PTPRF: variants seen among roughly 807,000 people sequenced by gnomAD.
PTPRF encodes the protein receptor-type tyrosine-protein phosphatase F.
Under a neutral mutation model 201.8 loss-of-function variants are expected in PTPRF, and 59 were observed. The observed-to-expected ratio is 0.29, with a 90% CI of 0.24 to 0.36. PTPRF has a LOEUF of 0.36. Among genes scored for constraint, PTPRF ranks in the 10% least tolerant of loss-of-function variants. PTPRF has a pLI of 1.00. For missense variants in PTPRF, 2,132 were observed against 2,690.5 expected (o/e 0.79, Z 4.59); for synonymous variants, 1,088 against 1,089.7 (o/e 1.00, Z 0.03).
chr1:43,558,527 G>T (rs1325710881), intron 5 of PTPRF, among the ~76,000 whole-genome samples: 1 of 152,220 alleles, frequency 6.6e-6, no homozygotes, highest in Non-Finnish European at 1.5e-5. Flanking sequence ...GCTGGCCGGG[G>T]TGAGCCTGTC....
Position 43,559,712 on chromosome 1 carries a change from C to T in PTPRF, c.379+5771C>T, listed in dbSNP as rs184896034. 7.0e-3 allele frequency among the ~76,000 whole-genome samples: 979 copies of T among 140,220 alleles called. 6 individuals are homozygous for T. The highest frequency in any genetic ancestry group is 7.8e-3 in the Non-Finnish European group (507 of 65,306). 92.0% of individuals were successfully genotyped at this position (140,220 alleles called of 152,430 possible). Reference sequence around the variant, plus strand: ...TGTGTGGTGTACAGCAGGTGGTGTGCGGCAGGCTGTGTGTATGTATCAGGC... The same window carrying T: ...TGTGTGGTGTACAGCAGGTGGTGTGTGGCAGGCTGTGTGTATGTATCAGGC... On this transcript the variant is annotated intron_variant, in intron 5 of 33. Transcript: ENST00000359947.
chr1:43,547,808 T>A (rs1376722318), intron 3 of PTPRF, among the ~76,000 whole-genome samples: 1 of 152,204 alleles, frequency 6.6e-6, no homozygotes, highest in Non-Finnish European at 1.5e-5. Flanking sequence ...AGTGGAGATT[T>A]GGGCACACAT....
chr1:43,604,011 G>A lies in PTPRF; in HGVS notation c.2859G>A (p.Val953=), dbSNP rs374919033. Residue 953 remains valine (V), a synonymous_variant, in exon 16 of 34, where the codon GTG becomes GTA. Transcript: ENST00000359947. ...ACGGGCGCATCATCAGCTACACCGTGGTGTTCCGAGACATCAACAGCCAAC... is the reference window on the plus strand; with the variant it reads ...ACGGGCGCATCATCAGCTACACCGTAGTGTTCCGAGACATCAACAGCCAAC... ...ERNGRIISYT[V]VFRDINSQQE... is the part of the protein sequence containing the mutation. The A allele has an allele frequency of 1.2e-6, 2 of 1,614,082 alleles. No homozygotes were observed. The highest frequency in any genetic ancestry group is 1.3e-5 in the African/African-American group (1 of 74,938).
At chr1:43,524,365 G>C (rs2153942353), upstream of PTPRF, among the ~76,000 whole-genome samples, 1 of 152,110 alleles carries the variant, frequency 6.6e-6, no homozygotes, top group East Asian at 1.9e-4. Flanking sequence ...TTTTAAATGT[G>C]AAAGAAAGAA....
chr1:43,607,007 C>T (rs753046270), intron 21 of PTPRF, 39 bp downstream of exon 21: 11 of 1,605,338 alleles, frequency 6.9e-6, no homozygotes, highest in Non-Finnish European at 9.4e-6. Flanking sequence ...CGGCCACCTG[C>T]CCCTCGCCTT....
chr1:43,597,660 G>T, intron 11 of PTPRF, 88 bp from the exon 12 acceptor site: 8 of 994,198 alleles, frequency 8.0e-6, no homozygotes, highest in Non-Finnish European at 1.1e-5. Flanking sequence ...GCCTGCCCGG[G>T]TGAGTCTCCA....
chr1:43,598,946 TGAGCACAGACCA>T (rs765018680), intron 13 of PTPRF, 33 bp downstream of exon 13: 133 of 1,601,566 alleles, frequency 8.3e-5, no homozygotes, highest in Admixed American at 1.3e-4. Flanking sequence ...GGTGGCAGGG[TGAGCACAGACCA>T]GCATGCACAA....
At chr1:43,608,069 A>G (rs1357844932) in intron 21 of PTPRF, among the ~76,000 whole-genome samples, 2 of 152,146 alleles carry the variant, frequency 1.3e-5, no homozygotes, top group African/African-American at 2.4e-5. Context: ...GTTCCTTCCT[A>G]AAGAGTCCAC....
chr1:43,612,323 A>T (rs1656642379), intron 22 of PTPRF, among the ~76,000 whole-genome samples: 1 of 152,118 alleles, frequency 6.6e-6, no homozygotes, highest in South Asian at 2.1e-4. Context: ...AGATCCTGGG[A>T]AGATACCTGG....
At chr1:43,590,799 A>T (rs553814977) in intron 8 of PTPRF, among the ~76,000 whole-genome samples, 173 bp from the exon 9 acceptor site, 2 of 152,308 alleles carry the variant, frequency 1.3e-5, no homozygotes, top group East Asian at 1.9e-4. Flanking sequence ...ACTGTCCCTC[A>T]CTTGTGCCTT....
chr1:43,555,831 T>C (rs528395026), intron 5 of PTPRF, among the ~76,000 whole-genome samples: 1 of 152,330 alleles, frequency 6.6e-6, no homozygotes, highest in East Asian at 1.9e-4. Context: ...TGGACACATA[T>C]GTTCTCAGTT....
rs1047800128 is a variant in PTPRF, at chr1:43,576,059, A to G, written c.569-2751A>G. 1.7e-5 allele frequency: 13 copies of G among 752,790 alleles called. No homozygotes were observed. In the Admixed American group the frequency reaches 3.0e-4, roughly 18 times the overall value. The allele number at this position is 752,790 out of a possible 1,614,324, so 46.6% of individuals were successfully genotyped here. ...CAGCCTCCTCATCTCCAGCTCCAGC[A>G]CCCCCAACACCACCGGCCACCACAC... On this transcript the variant is annotated intron_variant, in intron 6 of 33. Transcript: ENST00000359947.
rs568722457 is a variant in PTPRF, at chr1:43,605,561, G to A, written c.3422G>A (p.Arg1141His). 76 of 1,614,136 alleles carry A rather than the reference G, an allele frequency of 4.7e-5. 1 individual carries two copies. Among genetic ancestry groups the A allele is most frequent in the South Asian group, 1.9e-4 (17 of 91,082 alleles). The change falls in exon 19 of 34, where the codon CGT becomes CAT. Residue 1141 changes from arginine to histidine, a missense_variant. Physicochemically the swap from Arg to His is conservative, Grantham distance 29. Around this residue, in one of 6 missense-constraint regions of PTPRF, gnomAD observed 818 missense variants for 915.3 expected, o/e 0.89. Coordinates refer to ENST00000359947, the MANE Select transcript of PTPRF (RefSeq NM_002840.5). ...WFYIVVVPID[R>H]VGGSMLTPRW... ...TACATTGTTGTGGTGCCCATTGACC[G>A]TGTGGGCGGGAGCATGCTGACGCCA...
Position 43,603,775 on chromosome 1 carries a change from C to A in PTPRF, c.2623C>A (p.Gln875Lys). The A allele has an allele frequency of 6.2e-7, 1 of 1,614,094 alleles. No individual in the cohort carries two copies. Among genetic ancestry groups the A allele is most frequent in the Non-Finnish European group, 8.5e-7 (1 of 1,180,044 alleles). ...PNTIDFGKDD[Q>K]HFTVTGLHKG... The stretch of plus-strand genomic sequence containing the variant: ...CACCATAGATTTCGGCAAGGATGAC[C>A]AGCACTTCACAGTCACCGGCCTGCA... The change falls in exon 16 of 34, where the codon CAG becomes AAG. Residue 875 changes from glutamine (Q) to lysine (K), a missense_variant. Around this residue, in one of 6 missense-constraint regions of PTPRF, gnomAD observed 818 missense variants for 915.3 expected, o/e 0.89. Transcript: ENST00000359947. This position sits in a 1 kb window ranked among gnomAD's most constrained non-coding sequence, Gnocchi z 5.8.
At chr1:43,573,977 C>CTTTTTTTTTTTTTT (rs77543816) in intron 6 of PTPRF, among the ~76,000 whole-genome samples, 6 of 63,918 alleles carry the variant, frequency 9.4e-5, no homozygotes, top group Non-Finnish European at 8.0e-5. Flanking sequence ...TGTGTGGGTT[C>CTTTTTTTTTTTTTT]TTTTTTTTTT....
At position 43,591,344 on chromosome 1, in the gene PTPRF, A is replaced by G. The variant is rs1362908192; in HGVS notation, c.1322A>G (p.Asn441Ser). 1.9e-6 allele frequency: 3 copies of G among 1,552,446 alleles called. No individual in the cohort carries two copies. Among genetic ancestry groups the G allele is most frequent in the Non-Finnish European group, 2.6e-6 (3 of 1,149,288 alleles). ...LVQWEPPEEP[N>S]GLVRGYRVYY... is the part of the protein sequence containing the mutation. ...CAGTGGGAGCCTCCCGAGGAGCCCA[A>G]CGGCCTGGTGCGGGGATACCGCGTC... The change falls in exon 9 of 34, where the codon AAC (asparagine) becomes AGC (serine). Residue 441 changes from asparagine to serine, a missense_variant. Transcript: ENST00000359947.
intron 6 of PTPRF, among the ~76,000 whole-genome samples, chr1:43,570,139 C>G (rs1646470733): frequency 6.6e-6 from 1 of 152,196 alleles, no homozygotes; most frequent in African/African-American, 2.4e-5. Context: ...TTTGCTTCCT[C>G]AGATGGCAGG....
At chr1:43,616,897 G>A (rs1234507458) in intron 23 of PTPRF, among the ~76,000 whole-genome samples, 1 of 152,128 alleles carries the variant, frequency 6.6e-6, no homozygotes, top group Non-Finnish European at 1.5e-5. Flanking sequence ...AAGGAACCCT[G>A]GAGGAGCTCT....
In PTPRF at chr1:43,578,807, C is replaced by A; in HGVS notation, c.569-3C>A. On this transcript the variant is annotated splice_polypyrimidine_tract_variant and splice_region_variant and intron_variant, in intron 6 of 33. Coordinates refer to ENST00000359947, the MANE Select transcript of PTPRF (RefSeq NM_002840.5). ...CCTGACCTCTCGCTTCGTGTACCCA[C>A]AGGTGCCTTGCAGATAGAGAGCAGT... The A allele has an allele frequency of 6.2e-7, 1 of 1,611,764 alleles. No homozygotes were observed. Among genetic ancestry groups the A allele is most frequent in the Non-Finnish European group, 8.5e-7 (1 of 1,178,298 alleles).
Sources: gnomAD v4.1 joint callset for allele counts (sites outside exome capture counted in the v4.1 genomes callset) on GRCh38, gnomAD v4.1.1 for gene constraint, gnomAD v4.1.1 regional missense constraint, Gnocchi (gnomAD v3.1) non-coding constraint, MANE v1.5 for transcripts, NCBI Gene and HGNC (gene_info 2026-07-23, HGNC 2026-07-21) for gene names.